ABCC4: variants seen among roughly 807,000 people sequenced by gnomAD.
ABCC4 encodes the protein ATP-binding cassette sub-family C member 4.
A neutral mutation model predicts 168.5 loss-of-function variants in ABCC4; 102 were observed. The ratio of observed to expected loss-of-function variants is 0.61; its 90% CI spans 0.52 to 0.71. ABCC4 has a LOEUF of 0.71. ABCC4 is among the 30% of genes least tolerant of loss of function. ABCC4 has a pLI of 0.00. For synonymous variants in ABCC4, 617 were observed against 590.7 expected, an observed-to-expected ratio of 1.04 and a Z score of -0.65; for missense variants, 1,402 against 1,605.8, an observed-to-expected ratio of 0.87 and a Z score of 2.17.
In ABCC4 at chr13:95,094,958, C is replaced by G. The variant is rs1005605677; in HGVS notation, c.2536-11668G>C. ...AACACAATGTGATACCACCTTACTC[C>G]TGCAAGAATGGCCATAATAAAAAAA... On this transcript the variant is annotated intron_variant, in intron 20 of 30. Transcript: ENST00000645237. 3.3e-5 allele frequency among the ~76,000 whole-genome samples: 5 copies of G among 152,180 alleles called. No individual in the cohort carries two copies. In the South Asian group the frequency reaches 1.0e-3, roughly 31 times the overall value.
chr13:95,240,057 G>T (rs1399479528), intron 3 of ABCC4, among the ~76,000 whole-genome samples: 2 of 152,100 alleles, frequency 1.3e-5, no homozygotes, highest in Non-Finnish European at 2.9e-5. Flanking sequence ...AAGGGAGGAG[G>T]GGGGAAAATA....
At chr13:95,131,202 C>T (rs758415842) in intron 19 of ABCC4, among the ~76,000 whole-genome samples, 3 of 152,146 alleles carry the variant, frequency 2.0e-5, no homozygotes, top group Non-Finnish European at 4.4e-5. Context: ...TAAATCTAAA[C>T]ACAGTTTGTG....
intron 1 of ABCC4, among the ~76,000 whole-genome samples, chr13:95,251,593 A>C (rs1171042906): frequency 6.6e-6 from 1 of 152,224 alleles, no homozygotes; most frequent in Non-Finnish European, 1.5e-5. Flanking sequence ...AGAAGAGACT[A>C]GGGAGGGAAG....
chr13:95,100,930 C>T (rs2034780230), intron 20 of ABCC4, among the ~76,000 whole-genome samples: 1 of 152,130 alleles, frequency 6.6e-6, no homozygotes, highest in Admixed American at 6.5e-5. Context: ...GTGCTTTCTA[C>T]ACACTTTCCC....
chr13:95,276,252 A>G (rs2138898622), intron 1 of ABCC4, among the ~76,000 whole-genome samples: 1 of 152,118 alleles, frequency 6.6e-6, no homozygotes, highest in African/African-American at 2.4e-5. Flanking sequence ...AGTCCCTACA[A>G]AAAAATTGTT....
chr13:95,089,763 T>A (rs2034371856), intron 20 of ABCC4, among the ~76,000 whole-genome samples: 1 of 151,324 alleles, frequency 6.6e-6, no homozygotes. Context: ...AACCACATGA[T>A]CATATAAATA....
intron 8 of ABCC4, 104 bp downstream of exon 8, chr13:95,206,428 G>T: frequency 6.8e-7 from 1 of 1,473,258 alleles, no homozygotes; most frequent in Non-Finnish European, 9.2e-7. Context: ...TTGGTTATGA[G>T]AGAGTTAAAT....
At chr13:95,194,155 G>A (rs1232137241) in intron 9 of ABCC4, among the ~76,000 whole-genome samples, 1 of 152,232 alleles carries the variant, frequency 6.6e-6, no homozygotes, top group Non-Finnish European at 1.5e-5. Flanking sequence ...GGTGGCCCCT[G>A]CTGTTGGTCC....
intron 4 of ABCC4, among the ~76,000 whole-genome samples, chr13:95,214,084 T>C (rs999602190): frequency 6.6e-6 from 1 of 152,162 alleles, no homozygotes. Flanking sequence ...AGGAGCGAGA[T>C]AGGTAATATC....
chr13:95,029,383 T>C (rs1251758242), intron 30 of ABCC4, among the ~76,000 whole-genome samples: 1 of 151,856 alleles, frequency 6.6e-6, no homozygotes, highest in Non-Finnish European at 1.5e-5. Context: ...TAGCTATTAT[T>C]TGTGCTCAAA....
intron 4 of ABCC4, among the ~76,000 whole-genome samples, chr13:95,227,580 GACA>G (rs2039500478): frequency 6.6e-6 from 1 of 152,120 alleles, no homozygotes; most frequent in African/African-American, 2.4e-5. Flanking sequence ...GTTTCACTTT[GACA>G]ACACTGTCAA....
chr13:95,254,139 C>T (rs1026816281), intron 1 of ABCC4, among the ~76,000 whole-genome samples: 12 of 152,168 alleles, frequency 7.9e-5, no homozygotes, highest in African/African-American at 1.9e-4. Flanking sequence ...CTCAAGTAAT[C>T]CCCCCACCTT....
rs546874046 is a variant in ABCC4 at position 95,142,357 on chromosome 13, A to G, written c.2455+18832T>C. Reference sequence around the variant, plus strand: ...GAAAACCAAACATCGTATGTTCTCAACTCATAAGTAGGAGCTAAGCTATGG... The same window carrying G: ...GAAAACCAAACATCGTATGTTCTCAGCTCATAAGTAGGAGCTAAGCTATGG... On this transcript the variant is annotated intron_variant, in intron 19 of 30. Transcript: ENST00000645237. 5.3e-5 allele frequency among the ~76,000 whole-genome samples: 8 copies of G among 152,288 alleles called. No homozygotes were observed. In the South Asian group the frequency reaches 1.5e-3, roughly 28 times the overall value.
chr13:95,300,107 A>C (rs765680584), intron 1 of ABCC4, among the ~76,000 whole-genome samples: 31 of 152,174 alleles, frequency 2.0e-4, no homozygotes, highest in Non-Finnish European at 1.8e-4. Context: ...CCCAAAGTGC[A>C]GGGATACAGG....
intron 1 of ABCC4, among the ~76,000 whole-genome samples, chr13:95,268,996 C>T (rs1021319123): frequency 2.6e-5 from 4 of 152,178 alleles, no homozygotes; most frequent in South Asian, 2.1e-4. Context: ...GGGAAGGCCA[C>T]CCCTTCACTA....
At chr13:95,040,501 G>T (rs961478255) in intron 29 of ABCC4, among the ~76,000 whole-genome samples, 4 of 152,190 alleles carry the variant, frequency 2.6e-5, no homozygotes, top group African/African-American at 9.7e-5. Flanking sequence ...CTCCCAAAGT[G>T]CTGGGATTAC....
intron 19 of ABCC4, among the ~76,000 whole-genome samples, chr13:95,117,767 C>A (rs1442900000): frequency 1.4e-5 from 2 of 147,132 alleles, no homozygotes; most frequent in African/African-American, 5.0e-5. Context: ...AAGTTGAAAG[C>A]AATATTCAAA....
intron 3 of ABCC4, among the ~76,000 whole-genome samples, chr13:95,237,076 A>G (rs2039794565): frequency 6.6e-6 from 1 of 152,328 alleles, no homozygotes; most frequent in African/African-American, 2.4e-5. Flanking sequence ...TCTCCATTTC[A>G]GCCGTAGGTG....
At chr13:95,286,882 C>T (rs6492776) in intron 1 of ABCC4, among the ~76,000 whole-genome samples, 2 of 149,818 alleles carry the variant, frequency 1.3e-5, no homozygotes, top group African/African-American at 2.5e-5. Flanking sequence ...GCTTGAACCC[C>T]GAGGCAGAGG....
Sources: allele counts gnomAD v4.1 joint callset (sites outside exome capture counted in the v4.1 genomes callset), GRCh38; gene constraint gnomAD v4.1.1; transcripts MANE v1.5; gene names NCBI Gene and HGNC (gene_info 2026-07-23, HGNC 2026-07-21).